POLRMT: variants seen among roughly 807,000 people sequenced by gnomAD.
POLRMT encodes RNA polymerase mitochondrial, also known as DNA-directed RNA polymerase, mitochondrial.
POLRMT carries 114 observed loss-of-function variants against 132.2 expected under a neutral mutation model. The observed-to-expected ratio is 0.86, with a 90% CI of 0.74 to 1.01. POLRMT has a LOEUF of 1.01. Among genes scored for constraint, POLRMT ranks in the 50% least tolerant of loss-of-function variants. The probability of loss-of-function intolerance (pLI) is 0.00; values close to 1 mark genes in which losing one functional copy is unlikely to be tolerated. For synonymous variants in POLRMT, 1,020 were observed against 773.4 expected (o/e 1.32, Z -5.29); for missense variants, 2,003 against 1,729.1 (o/e 1.16, Z -2.81).
intron 4 of POLRMT, 37 bp from the exon 5 acceptor site, chr19:624,942 C>A: frequency 6.3e-7 from 1 of 1,576,690 alleles, no homozygotes; most frequent in Non-Finnish European, 8.6e-7. Flanking sequence ...GACGGGCCAG[C>A]CCCACGCTGG....
chr19:624,060 G>A (rs557144226), intron 5 of POLRMT, among the ~76,000 whole-genome samples: 6 of 152,344 alleles, frequency 3.9e-5, no homozygotes, highest in Non-Finnish European at 7.3e-5. Flanking sequence ...ATGACTCGCA[G>A]TCGATAAGTA....
chr19:622,554 C>G (rs369496093), intron 8 of POLRMT, 28 bp downstream of exon 8: 1 of 1,573,762 alleles, frequency 6.4e-7, no homozygotes, highest in Admixed American at 1.8e-5. Flanking sequence ...CTGGCCCCAG[C>G]CAGGAGGAGA....
chr19:627,647 G>A (rs1053961410), intron 3 of POLRMT, among the ~76,000 whole-genome samples: 2 of 151,940 alleles, frequency 1.3e-5, no homozygotes, highest in Non-Finnish European at 1.5e-5. Context: ...ATACGTGGCC[G>A]GGCGCGGTCG....
chr19:627,147 CATTTTTTT>C (rs1349901560), intron 3 of POLRMT, among the ~76,000 whole-genome samples: 1 of 131,242 alleles, frequency 7.6e-6, no homozygotes, highest in African/African-American at 2.9e-5. Flanking sequence ...AGTTTTGGGG[CATTTTTTT>C]TTTTTTTTTT....
In POLRMT at chr19:617,515, C is replaced by T. The variant is rs200897755; in HGVS notation, c.3582-35G>A. The T allele has an allele frequency of 3.5e-5, 56 of 1,607,998 alleles. No homozygotes were observed. In the African/African-American group the frequency reaches 6.7e-4, roughly 19 times the overall value. ...GAAGCAGGGTGGGGTGAGGCTGAGG[C>T]CAGGTTTTGGGGTGGGGGGGGAATC... On this transcript the variant is annotated intron_variant, in intron 19 of 20. Transcript: ENST00000588649.
chr19:629,700 C>T lies in POLRMT; in HGVS notation c.662G>A (p.Gly221Asp). ...GAAGGCCAGGAGCCTCTGCTGCTGACCTGAGAGCTGGGCCTGCGAGTGCTG... is the reference window on the plus strand; with the variant it reads ...GAAGGCCAGGAGCCTCTGCTGCTGATCTGAGAGCTGGGCCTGCGAGTGCTG... ...SGQHSQAQLS[G>D]QQQRLLAFFK... The change falls in exon 3 of 21, where the codon GGT becomes GAT. Residue 221 changes from glycine (G) to aspartate (D), a missense_variant. Transcript: ENST00000588649. The T allele has an allele frequency of 6.2e-7, 1 of 1,603,864 alleles. No homozygotes were observed. The highest frequency in any genetic ancestry group is 1.1e-5 in the South Asian group (1 of 90,418).
intron 3 of POLRMT, 76 bp from the exon 4 acceptor site, chr19:625,330 T>C (rs1984950256): frequency 8.2e-6 from 13 of 1,576,162 alleles, no homozygotes; most frequent in Non-Finnish European, 1.1e-5. Flanking sequence ...TGGAGACCCC[T>C]TCTCTGTAGC....
At chr19:621,888 G>A (rs1429031522) in intron 9 of POLRMT, 42 bp from the exon 10 acceptor site, 2 of 1,592,422 alleles carry the variant, frequency 1.3e-6, no homozygotes, top group Non-Finnish European at 1.7e-6. Context: ...CCGGTGCTGG[G>A]GCTTTCCTGT....
Position 619,586 on chromosome 19 carries a change from C to T in POLRMT, c.3066G>A (p.Gln1022=). The change falls in exon 13 of 21, where the codon CAG becomes CAA. Residue 1022 remains glutamine, a splice_region_variant and synonymous_variant. Transcript: ENST00000588649. ...TCGCAGCGCGACATGCCTGGCGCAC[C>T]TGGGGAAAGTCGCTCAGCTCCCGGA... The part of the protein sequence containing the change: ...KRLRELSDFP[Q]EFVWEASHYL... The T allele has an allele frequency of 6.2e-7, 1 of 1,611,472 alleles. No individual in the cohort carries two copies. Among genetic ancestry groups the T allele is most frequent in the Non-Finnish European group, 8.5e-7 (1 of 1,179,624 alleles).
rs1331463524 is a variant in POLRMT at position 622,317 on chromosome 19, G to A, written c.1683C>T (p.Ala561=). The A allele has an allele frequency of 2.6e-6, 4 of 1,563,818 alleles. No homozygotes were observed. Among genetic ancestry groups the A allele is most frequent in the Non-Finnish European group, 3.5e-6 (4 of 1,155,692 alleles). ...QYWEELGAPE[A]LREQPWPLPV... is the part of the protein sequence containing the mutation. ...GCAGGGGCCAGGGCTGCTCCCGCAG[G>A]GCCTCGGGCGCCCCCAGCTCCTCCC... Residue 561 remains alanine, a synonymous_variant, in exon 9 of 21, where the codon GCC becomes GCT. Coordinates refer to ENST00000588649, the MANE Select transcript of POLRMT (RefSeq NM_005035.4).
At chr19:619,932 C>A (rs774834210) in intron 12 of POLRMT, 26 bp downstream of exon 12, 1 of 1,599,272 alleles carries the variant, frequency 6.3e-7, no homozygotes, top group Non-Finnish European at 8.5e-7. Flanking sequence ...CGCCGAGATG[C>A]CCCCGGGCAG....
chr19:617,709 CCCCTACCCAACGCCCCAGTGTGGGGG>C (rs1023788509), intron 18 of POLRMT, 42 bp downstream of exon 18: 10 of 1,611,012 alleles, frequency 6.2e-6, no homozygotes, highest in Non-Finnish European at 8.5e-6. Context: ...CTGGGCACCA[CCCCTACCCAACGCCCCAGTGTGGGGG>C]CCCCACCCAT....
In POLRMT at chr19:622,685, G is replaced by C; in HGVS notation, c.1523C>G (p.Thr508Ser). 6.2e-7 allele frequency: 1 copy of C among 1,605,372 alleles called. No individual in the cohort carries two copies. The highest frequency in any genetic ancestry group is 8.5e-7 in the Non-Finnish European group (1 of 1,177,224). Residue 508 changes from threonine to serine, a missense_variant, in exon 8 of 21, where the codon ACT (threonine) becomes AGT (serine). Coordinates refer to ENST00000588649, the MANE Select transcript of POLRMT (RefSeq NM_005035.4). ...TTLARELSAR[T>S]FSRHVVQRQR... ...CCTCTGCACCACGTGCCGGCTGAAA[G>C]TGCGCGCACTCAGCTCCCGGGCCAG... is the stretch of plus-strand genomic sequence containing the variant.
chr19:627,260 T>G (rs1453886888), intron 3 of POLRMT, among the ~76,000 whole-genome samples: 1 of 148,944 alleles, frequency 6.7e-6, no homozygotes, highest in Non-Finnish European at 1.5e-5. Context: ...CACTCCATCC[T>G]CCTGCCTCAG....
intron 2 of POLRMT, among the ~76,000 whole-genome samples, chr19:631,349 G>GGGA (rs1985403886): frequency 6.8e-6 from 1 of 147,526 alleles, no homozygotes; most frequent in African/African-American, 2.5e-5. Context: ...GGGGGGGGGG[G>GGGA]ACCCAGGTGT....
intron 2 of POLRMT, 45 bp from the exon 3 acceptor site, chr19:630,213 A>G (rs1293533279): frequency 1.3e-6 from 2 of 1,528,544 alleles, no homozygotes; most frequent in African/African-American, 1.4e-5. Flanking sequence ...CCCCCTCCCC[A>G]TTCGAGCACC....
chr19:619,985 C>T lies in POLRMT; in HGVS notation c.2859G>A (p.Gln953=), dbSNP rs1057077577. 6.3e-7 allele frequency: 1 copy of T among 1,598,054 alleles called. No individual in the cohort carries two copies. Among genetic ancestry groups the T allele is most frequent in the African/African-American group, 1.3e-5 (1 of 74,822 alleles). The change falls in exon 12 of 21, where the codon CAG becomes CAA. Residue 953 remains glutamine (Q), a synonymous_variant. Transcript: ENST00000588649. ...SVNLEPSDVP[Q]DVYSGVAAQV... is the part of the protein sequence containing the mutation. ...GCGCGGCCACGCCGCTGTACACGTC[C>T]TGCGGCACATCCGAGGGCTCCAGGT...
intron 15 of POLRMT, 31 bp from the exon 16 acceptor site, chr19:618,791 C>A: frequency 6.4e-7 from 1 of 1,571,670 alleles, no homozygotes; most frequent in Middle Eastern, 2.2e-4. Context: ...GTGAGTCCCA[C>A]CCGAGGCCCA....
At chr19:626,715 G>A in intron 3 of POLRMT, among the ~76,000 whole-genome samples, 1 of 99,020 alleles carries the variant, frequency 1.0e-5, no homozygotes, top group African/African-American at 4.9e-5. Flanking sequence ...AAAAAAATTA[G>A]CTGGGCGTGG....
Sources: allele counts gnomAD v4.1 joint callset (sites outside exome capture counted in the v4.1 genomes callset), GRCh38; gene constraint gnomAD v4.1.1; transcripts MANE v1.5; gene names NCBI Gene and HGNC (gene_info 2026-07-23, HGNC 2026-07-21).